Variants in ANKRD36B observed in about 807,000 individuals in gnomAD.
ANKRD36B encodes the protein ankyrin repeat domain-containing protein 36B.
Under a neutral mutation model 135.7 loss-of-function variants are expected in ANKRD36B, and 37 were observed. The observed-to-expected ratio is 0.27, with a 90% CI of 0.21 to 0.36. The LOEUF (loss-of-function observed/expected upper bound fraction) is 0.36. Ranked by LOEUF, ANKRD36B falls within the 10% of genes least tolerant of loss-of-function variation. The probability of loss-of-function intolerance (pLI) is 1.00; values close to 1 mark genes in which losing one functional copy is unlikely to be tolerated. For synonymous variants in ANKRD36B, 179 were observed against 348.1 expected, an observed-to-expected ratio of 0.51 and a Z score of 5.41; for missense variants, 549 against 1,037.1, an observed-to-expected ratio of 0.53 and a Z score of 6.46.
intron 24 of ANKRD36B, among the ~76,000 whole-genome samples, chr2:97,544,993 AAATT>A (rs2079334745): frequency 1.0e-5 from 1 of 95,256 alleles, no homozygotes; most frequent in African/African-American, 3.1e-5. Context: ...GCCTAATAGT[AAATT>A]ACTCCTAAAG....
At chr2:97,585,432 A>G (rs570981286) in intron 1 of ANKRD36B, 34 bp from the exon 2 acceptor site, 9 of 1,546,066 alleles carry the variant, frequency 5.8e-6, no homozygotes, top group Non-Finnish European at 7.0e-6. Context: ...AAAACATGTA[A>G]CTGTAAGCAT....
At chr2:97,555,347 C>T in intron 12 of ANKRD36B, 93 bp from the exon 13 acceptor site, 4 of 1,548,724 alleles carry the variant, frequency 2.6e-6, no homozygotes, top group Non-Finnish European at 3.5e-6. Context: ...CTGTATCTTC[C>T]TGCCTGTATT....
chr2:97,561,716 T>C (rs1347008884), intron 6 of ANKRD36B, among the ~76,000 whole-genome samples: 4 of 152,016 alleles, frequency 2.6e-5, no homozygotes, highest in Admixed American at 6.6e-5. Context: ...TAAAATAGTC[T>C]GGTTAAAGTA....
chr2:97,513,068 A>T lies in ANKRD36B; in HGVS notation c.2805+112T>A, dbSNP rs1185618188. The T allele has an allele frequency of 1.1e-5, 13 of 1,206,360 alleles. 2 individuals are homozygous for T. Among genetic ancestry groups the T allele is most frequent in the Middle Eastern group, 3.0e-4 (1 of 3,294 alleles). The allele number at this position is 1,206,360 out of a possible 1,614,324, so 74.7% of individuals were successfully genotyped here. The stretch of plus-strand genomic sequence containing the variant: ...AATGCCATGATTCATTTTTAAGATG[A>T]AATAAAATTTGGGGATTGTTCAGGC... On this transcript the variant is annotated intron_variant, in intron 38 of 43. Coordinates refer to ENST00000359901, the MANE Select transcript of ANKRD36B (RefSeq NM_001393939.1).
chr2:97,585,965 T>C (rs1451080694), intron 1 of ANKRD36B, among the ~76,000 whole-genome samples: 3 of 152,218 alleles, frequency 2.0e-5, no homozygotes, highest in Admixed American at 6.5e-5. Context: ...TCTCCTGACA[T>C]TGGAAAACTG....
At chr2:97,573,315 G>T (rs1162393671) in intron 6 of ANKRD36B, among the ~76,000 whole-genome samples, 2 of 152,050 alleles carry the variant, frequency 1.3e-5, no homozygotes, top group East Asian at 1.9e-4. Context: ...GTCTATCATT[G>T]TTGGACATTT....
At position 97,537,400 on chromosome 2, in the gene ANKRD36B, C is replaced by G. The variant is rs577530012; in HGVS notation, c.2089+768G>C. Among the ~76,000 whole-genome samples the G allele has an allele frequency of 7.3e-4, 71 of 96,842 alleles. 23 individuals carry two copies. Among genetic ancestry groups the G allele is most frequent in the African/African-American group, 2.0e-3 (65 of 32,440 alleles). The allele number at this position is 96,842 out of a possible 152,430, so 63.5% of individuals were successfully genotyped here. The stretch of plus-strand genomic sequence containing the variant: ...TCATTAAATAGCTATTTTAACAAGA[C>G]AGCCAGCACTTTGGAAAAAACTAAA... On this transcript the variant is annotated intron_variant, in intron 32 of 43. Coordinates refer to ENST00000359901, the MANE Select transcript of ANKRD36B (RefSeq NM_001393939.1).
At chr2:97,570,944 A>G (rs55703134) in intron 6 of ANKRD36B, among the ~76,000 whole-genome samples, 4,252 of 152,266 alleles carry the variant, frequency 0.028, 191 homozygotes, top group African/African-American at 0.096. Context: ...CCTTTCCCTC[A>G]TCTGTTTTCC....
intron 16 of ANKRD36B, 121 bp downstream of exon 16, chr2:97,553,047 G>T: frequency 8.2e-7 from 1 of 1,225,832 alleles, no homozygotes; most frequent in Non-Finnish European, 1.1e-6. Context: ...TCTCAGACCT[G>T]CTGGATCAGA....
chr2:97,570,659 C>T (rs2081782032), intron 6 of ANKRD36B, among the ~76,000 whole-genome samples: 2 of 152,172 alleles, frequency 1.3e-5, no homozygotes, highest in African/African-American at 4.8e-5. Context: ...GAATTCAGCA[C>T]ATCCTGGTAA....
At chr2:97,582,991 T>C (rs898063853) in intron 3 of ANKRD36B, among the ~76,000 whole-genome samples, 4 of 152,126 alleles carry the variant, frequency 2.6e-5, no homozygotes, top group Non-Finnish European at 5.9e-5. Context: ...ATTTTTTTTA[T>C]TTTAGGTAAA....
chr2:97,585,780 T>G (rs2082937618), intron 1 of ANKRD36B, among the ~76,000 whole-genome samples: 1 of 152,210 alleles, frequency 6.6e-6, no homozygotes, highest in Admixed American at 6.5e-5. Context: ...CTCAATAATT[T>G]TTAGATATCA....
In ANKRD36B at chr2:97,589,628, G is replaced by A. The variant is rs1178367498; in HGVS notation, c.58C>T (p.His20Tyr). Residue 20 changes from histidine to tyrosine, a missense_variant, in exon 1 of 44, where the codon CAT becomes TAT. Physicochemically the swap from His to Tyr is moderately conservative, Grantham distance 83. Coordinates refer to ENST00000359901, the MANE Select transcript of ANKRD36B (RefSeq NM_001393939.1). ...ACAGCTCTGTGGATCCTCTTCAGAT[G>A]ATACGGTTTAATGTAGTAATGGGGA... ...AFPHYYIKPYHLKRIHRAVLR... is the reference protein window; with the variant it reads ...AFPHYYIKPYYLKRIHRAVLR... The A allele has an allele frequency of 6.2e-7, 1 of 1,614,186 alleles. No individual in the cohort carries two copies. Among genetic ancestry groups the A allele is most frequent in the South Asian group, 1.1e-5 (1 of 91,084 alleles).
intron 6 of ANKRD36B, among the ~76,000 whole-genome samples, chr2:97,563,158 A>G (rs1277020669): frequency 2.0e-5 from 3 of 151,972 alleles, no homozygotes; most frequent in Non-Finnish European, 4.4e-5. Context: ...ATTGAATATA[A>G]CCTATTTAAA....
At chr2:97,574,873 A>C (rs1190052024) in intron 6 of ANKRD36B, among the ~76,000 whole-genome samples, 2 of 151,934 alleles carry the variant, frequency 1.3e-5, no homozygotes, top group Admixed American at 6.6e-5. Context: ...AGAAGTCAAG[A>C]CCATTTTCCC....
intron 36 of ANKRD36B, among the ~76,000 whole-genome samples, chr2:97,517,071 G>GT (rs1160390133): frequency 8.9e-5 from 1 of 11,250 alleles, no homozygotes; most frequent in Non-Finnish European, 2.8e-4. Flanking sequence ...GGCAGGGAAG[G>GT]TTTTTTTTTA....
chr2:97,554,528 C>A (rs1046486010), intron 14 of ANKRD36B, among the ~76,000 whole-genome samples: 3 of 151,884 alleles, frequency 2.0e-5, no homozygotes, highest in African/African-American at 7.2e-5. Flanking sequence ...TGAGTTCACT[C>A]AGGTCTCCTC....
chr2:97,508,950 A>G (rs1419882858), intron 40 of ANKRD36B, among the ~76,000 whole-genome samples: 5 of 108,686 alleles, frequency 4.6e-5, no homozygotes, highest in Non-Finnish European at 1.1e-4. Context: ...AAGAGAAAAT[A>G]GATACATGTT....
At position 97,557,006 on chromosome 2, in the gene ANKRD36B, T is replaced by C. The variant is rs1440270696; in HGVS notation, c.1000A>G (p.Ile334Val). The change falls in exon 12 of 44, where the codon ATA (isoleucine) becomes GTA (valine). Residue 334 changes from isoleucine (I) to valine (V), a missense_variant. Transcript: ENST00000359901. Reference protein sequence around the residue: ...SPQKQSAQKVIFKKKVSLLNI... With the variant: ...SPQKQSAQKVVFKKKVSLLNI... Reference sequence around the variant, plus strand: ...AAAAGAGAAACTTTCTTTTTAAATATAACCTGAATGGAAAGAGAAACAAAA... The same window carrying C: ...AAAAGAGAAACTTTCTTTTTAAATACAACCTGAATGGAAAGAGAAACAAAA... 2.6e-6 allele frequency: 4 copies of C among 1,561,348 alleles called. No individual in the cohort carries two copies. Among genetic ancestry groups the C allele is most frequent in the Non-Finnish European group, 2.6e-6 (3 of 1,153,172 alleles).
Sources: gnomAD v4.1 joint callset for allele counts (sites outside exome capture counted in the v4.1 genomes callset) on GRCh38, gnomAD v4.1.1 for gene constraint, MANE v1.5 for transcripts, NCBI Gene and HGNC (gene_info 2026-07-23, HGNC 2026-07-21) for gene names.